The following EHD1 variants were observed in gnomAD, a reference collection of about 807,000 sequenced individuals.
EHD1 encodes the protein EH domain containing 1.
In EHD1, 19 loss-of-function variants were observed where a neutral mutation model predicts 39.0. That is an observed-to-expected ratio of 0.49 (90% CI 0.34 to 0.72). EHD1 has a LOEUF of 0.72. EHD1 is among the 30% of genes least tolerant of loss of function. The pLI is 0.01. For missense variants in EHD1, 542 were observed against 751.5 expected, an observed-to-expected ratio of 0.72 and a Z score of 3.26; for synonymous variants, 323 against 331.2, an observed-to-expected ratio of 0.98 and a Z score of 0.27.
rs1943908679 is a variant in EHD1, at chr11:64,878,221, C to T, written c.244G>A (p.Asp82Asn). 1.9e-6 allele frequency: 3 copies of T among 1,613,346 alleles called. No individual in the cohort carries two copies. Among genetic ancestry groups the T allele is most frequent in the Non-Finnish European group, 2.5e-6 (3 of 1,179,464 alleles). The change falls in exon 1 of 5, where the codon GAC (aspartate) becomes AAC (asparagine). Residue 82 changes from aspartate to asparagine, a missense_variant. Physicochemically the swap from Asp to Asn is conservative, Grantham distance 23. Transcript: ENST00000320631. ...GGCCCGATGCGCATCCCCGGGAAGT[C>T]CTGCTCGATCAGGTGTCGGATGAAG... ...TTFIRHLIEQ[D>N]FPGMRIGPEP...
intron 3 of EHD1, among the ~76,000 whole-genome samples, chr11:64,858,367 T>C (rs1943677049): frequency 6.6e-6 from 1 of 151,816 alleles, no homozygotes. Flanking sequence ...TTTTTTTTAG[T>C]AGAGATGGGG....
At chr11:64,857,626 G>A (rs543862263) in intron 3 of EHD1, among the ~76,000 whole-genome samples, 6 of 152,196 alleles carry the variant, frequency 3.9e-5, no homozygotes, top group African/African-American at 1.2e-4. Flanking sequence ...AAAGGATGAA[G>A]GGTCAGTTCT....
chr11:64,870,736 C>T (rs1044070333), intron 2 of EHD1, among the ~76,000 whole-genome samples: 3 of 152,216 alleles, frequency 2.0e-5, no homozygotes, highest in Admixed American at 6.5e-5. Flanking sequence ...CGCAACTGGT[C>T]GGCAGCCCCT....
At chr11:64,855,253 T>G in intron 4 of EHD1, 69 bp downstream of exon 4, 1 of 1,553,952 alleles carries the variant, frequency 6.4e-7, no homozygotes, top group Non-Finnish European at 8.7e-7. Flanking sequence ...TCCCTCCAAA[T>G]CCAGTGCCCT....
intron 2 of EHD1, among the ~76,000 whole-genome samples, chr11:64,863,134 G>C (rs1368179785): frequency 6.6e-6 from 1 of 152,138 alleles, no homozygotes; most frequent in Non-Finnish European, 1.5e-5. Flanking sequence ...GAAGCACCAA[G>C]TACTTCCCAG....
chr11:64,879,027 C>T (rs1943925296), upstream of EHD1: 1 of 995,902 alleles, frequency 1.0e-6, no homozygotes, highest in Non-Finnish European at 1.2e-6. Context: ...CCGCGCCCGC[C>T]GTTCGCCACG....
chr11:64,860,914 A>G (rs1282072846), intron 2 of EHD1, among the ~76,000 whole-genome samples: 1 of 150,186 alleles, frequency 6.7e-6, no homozygotes, highest in African/African-American at 2.5e-5. Flanking sequence ...CAGTTACTCG[A>G]GAGGCTGAGG....
chr11:64,869,441 A>T (rs568396193), intron 2 of EHD1, among the ~76,000 whole-genome samples: 25 of 152,320 alleles, frequency 1.6e-4, no homozygotes, highest in African/African-American at 6.0e-4. Context: ...TTCCCCGAGG[A>T]TACTCCCCAG....
Position 64,870,726 on chromosome 11 carries a change from C to T in EHD1, c.502+3695G>A, listed in dbSNP as rs533151148. Among the ~76,000 whole-genome samples, 15 of 152,338 alleles carry T rather than the reference C, an allele frequency of 9.8e-5. No individual in the cohort carries two copies. The East Asian group carries it at 2.7e-3, about 27-fold the overall frequency. ...TCGGCATGAGGCACTGCCGGGACCA[C>T]GCAACTGGTCGGCAGCCCCTGGAGC... is the stretch of plus-strand genomic sequence containing the variant. On this transcript the variant is annotated intron_variant, in intron 2 of 4. Coordinates refer to ENST00000320631, the MANE Select transcript of EHD1 (RefSeq NM_006795.4).
intron 1 of EHD1, among the ~76,000 whole-genome samples, chr11:64,876,258 T>C (rs1030338015): frequency 2.6e-5 from 4 of 152,216 alleles, no homozygotes; most frequent in African/African-American, 9.7e-5. Flanking sequence ...TCAATGAGTC[T>C]CTTCAAGACT....
At chr11:64,866,428 G>A (rs905274991) in intron 2 of EHD1, among the ~76,000 whole-genome samples, 2 of 152,184 alleles carry the variant, frequency 1.3e-5, no homozygotes, top group South Asian at 2.1e-4. Flanking sequence ...GGGCATGGTG[G>A]CTCACGCTTG....
chr11:64,871,907 G>A lies in EHD1; in HGVS notation c.502+2514C>T, dbSNP rs1051518996. Among the ~76,000 whole-genome samples the A allele has an allele frequency of 1.5e-4, 23 of 152,190 alleles. 1 individual carries two copies. The highest frequency in any genetic ancestry group is 2.9e-4 in the Non-Finnish European group (20 of 68,036). ...GCAGGGACCACAAGGCAACACCTAC[G>A]TCCACCCCTTGCTCCCAATCAAAAC... On this transcript the variant is annotated intron_variant, in intron 2 of 4. Coordinates refer to ENST00000320631, the MANE Select transcript of EHD1 (RefSeq NM_006795.4).
upstream of EHD1, chr11:64,879,683 T>C (rs1385641374): frequency 1.3e-6 from 2 of 1,548,390 alleles, no homozygotes; most frequent in East Asian, 2.4e-5. Flanking sequence ...CCTTTGGCTG[T>C]CCAGGCTGGT....
chr11:64,859,085 G>A (rs1014602419), intron 3 of EHD1, among the ~76,000 whole-genome samples: 6 of 152,264 alleles, frequency 3.9e-5, no homozygotes, highest in East Asian at 3.9e-4. Context: ...GCCAGCTCCC[G>A]CAGCAGCCTG....
intron 3 of EHD1, 52 bp downstream of exon 3, chr11:64,859,872 A>G (rs112284371): frequency 6.4e-7 from 1 of 1,557,846 alleles, no homozygotes; most frequent in Non-Finnish European, 8.7e-7. Flanking sequence ...CCAGTCTCAG[A>G]GCCCCATGGC....
rs1227704488 is a variant in EHD1 at position 64,852,349 on chromosome 11, C to T, written c.*1984G>A. 1 of 148,222 alleles carries T rather than the reference C, an allele frequency of 6.7e-6. No homozygotes were observed. The highest frequency in any genetic ancestry group is 1.5e-5 in the Non-Finnish European group (1 of 67,162). The allele number at this position is 148,222 out of a possible 1,614,324, so 9.2% of individuals were successfully genotyped here. A position where few individuals can be genotyped will look rare whatever the true frequency, so the allele number is the denominator to read the frequency against. Reference sequence around the variant, plus strand: ...AAGGAGCCAGTCTGGCTCCAAAGCCCAGAAACCCTTGTTTACTTGATGCCA... The same window carrying T: ...AAGGAGCCAGTCTGGCTCCAAAGCCTAGAAACCCTTGTTTACTTGATGCCA... On this transcript the variant is annotated 3_prime_UTR_variant, in exon 5 of 5. Transcript: ENST00000320631.
rs755685613 is a variant in EHD1 at position 64,855,318 on chromosome 11, G to A, written c.1080+4C>T. ...GCCTGCATGGGGCCTCGGGACAGCC[G>A]TACCTGCATCTTGCGGAGGCTCGGG... On this transcript the variant is annotated splice_donor_region_variant and intron_variant, in intron 4 of 4. Transcript: ENST00000320631. The A allele has an allele frequency of 4.8e-5, 78 of 1,613,362 alleles. 1 individual carries two copies. In the South Asian group the frequency reaches 7.9e-4, roughly 16 times the overall value.
chr11:64,855,114 C>T (rs1445308977), intron 4 of EHD1: 2 of 920,594 alleles, frequency 2.2e-6, no homozygotes, highest in Non-Finnish European at 3.2e-6. Flanking sequence ...CCTCCCCCCA[C>T]CACGCAGGGT....
chr11:64,875,174 C>T (rs1170713499), intron 1 of EHD1, among the ~76,000 whole-genome samples: 2 of 152,216 alleles, frequency 1.3e-5, no homozygotes, highest in South Asian at 2.1e-4. Context: ...TCACACTAAG[C>T]TTAGAACAGC....
Sources: allele counts gnomAD v4.1 joint callset (sites outside exome capture counted in the v4.1 genomes callset), GRCh38; gene constraint gnomAD v4.1.1; transcripts MANE v1.5; gene names NCBI Gene and HGNC (gene_info 2026-07-23, HGNC 2026-07-21).